CDH18: variants seen among roughly 807,000 people sequenced by gnomAD.
CDH18 encodes the protein cadherin-18.
Under a neutral mutation model 67.9 loss-of-function variants are expected in CDH18, and 31 were observed. The observed-to-expected ratio is 0.46, with a 90% CI of 0.34 to 0.62. CDH18 has a LOEUF of 0.62. Among genes scored for constraint, CDH18 ranks in the 20% least tolerant of loss-of-function variants. CDH18 has a pLI of 0.01. For missense variants in CDH18, 890 were observed against 975.5 expected (o/e 0.91, Z 1.17); for synonymous variants, 362 against 347.2 (o/e 1.04, Z -0.48).
chr5:20,459,707 T>C (rs1308029060), intron 1 of CDH18, among the ~76,000 whole-genome samples: 1 of 152,236 alleles, frequency 6.6e-6, no homozygotes, highest in Non-Finnish European at 1.5e-5. Context: ...GTTTGGTGAC[T>C]GAGCTAGTCC....
chr5:20,083,144 A>G (rs1054092883), intron 2 of CDH18, among the ~76,000 whole-genome samples: 6 of 152,196 alleles, frequency 3.9e-5, no homozygotes, highest in Non-Finnish European at 8.8e-5. Flanking sequence ...GTACTGAAAG[A>G]ATTGAGGATG....
intron 1 of CDH18, among the ~76,000 whole-genome samples, chr5:20,475,036 GTTTA>G (rs1452732337): frequency 8.1e-5 from 12 of 149,032 alleles, no homozygotes; most frequent in African/African-American, 2.7e-4. Context: ...TTATATGTGT[GTTTA>G]TTTATTTCCA....
intron 8 of CDH18, among the ~76,000 whole-genome samples, chr5:19,557,358 A>T (rs1738624428): frequency 6.6e-6 from 1 of 152,074 alleles, no homozygotes; most frequent in Non-Finnish European, 1.5e-5. Context: ...GAGTGCATAA[A>T]AACTCACCAA....
chr5:20,063,048 A>G (rs1742647319), intron 2 of CDH18, among the ~76,000 whole-genome samples: 1 of 148,764 alleles, frequency 6.7e-6, no homozygotes. Context: ...GGGTACACCA[A>G]TATGCTTCTT....
chr5:20,036,718 A>C (rs1739897337), intron 2 of CDH18, among the ~76,000 whole-genome samples: 1 of 152,074 alleles, frequency 6.6e-6, no homozygotes, highest in Non-Finnish European at 1.5e-5. Flanking sequence ...TGGAGTGTTA[A>C]AGTCTCCCAC....
At chr5:19,904,295 A>C (rs926431826) in intron 2 of CDH18, among the ~76,000 whole-genome samples, 2 of 149,642 alleles carry the variant, frequency 1.3e-5, no homozygotes, top group Non-Finnish European at 3.0e-5. Flanking sequence ...GAAGGAAAGA[A>C]AAAAAGAAAA....
intron 5 of CDH18, among the ~76,000 whole-genome samples, chr5:19,655,189 C>G (rs1384477485): frequency 1.3e-5 from 2 of 152,202 alleles, no homozygotes; most frequent in African/African-American, 2.4e-5. Flanking sequence ...TATATTGATA[C>G]ATGTATATGT....
At chr5:19,818,020 T>C (rs1422269250) in intron 3 of CDH18, among the ~76,000 whole-genome samples, 3 of 152,104 alleles carry the variant, frequency 2.0e-5, no homozygotes, top group Non-Finnish European at 2.9e-5. Context: ...TCCATTTTTT[T>C]CCCAAAATTT....
chr5:20,005,399 A>G (rs1736805400), intron 2 of CDH18, among the ~76,000 whole-genome samples: 2 of 121,170 alleles, frequency 1.7e-5, no homozygotes, highest in African/African-American at 6.2e-5. Context: ...ATATAAACAA[A>G]GTATATATAT....
intron 5 of CDH18, among the ~76,000 whole-genome samples, chr5:19,678,572 C>A (rs887000523): frequency 5.9e-5 from 9 of 151,462 alleles, no homozygotes; most frequent in Admixed American, 1.3e-4. Flanking sequence ...CTTAGAGAAA[C>A]CAGAGAAAAA....
intron 2 of CDH18, among the ~76,000 whole-genome samples, chr5:20,232,749 C>A (rs1002537196): frequency 2.0e-5 from 3 of 151,980 alleles, no homozygotes; most frequent in Non-Finnish European, 4.4e-5. Context: ...ATTTTGAAAC[C>A]TTTTTTATAA....
At chr5:20,414,421 A>G (rs563612453) in intron 1 of CDH18, among the ~76,000 whole-genome samples, 65 of 152,304 alleles carry the variant, frequency 4.3e-4, no homozygotes, top group Non-Finnish European at 7.6e-4. Flanking sequence ...AACAATGGCT[A>G]TACAGGAACA....
upstream of CDH18, chr5:19,988,207 C>G (rs1004664322): frequency 6.6e-6 from 1 of 152,100 alleles, no homozygotes; most frequent in African/African-American, 2.4e-5. Context: ...ACTCAGGCTC[C>G]GCGCACCTCG....
At chr5:20,033,008 T>A (rs1561732599) in intron 2 of CDH18, among the ~76,000 whole-genome samples, 1 of 151,900 alleles carries the variant, frequency 6.6e-6, no homozygotes. Flanking sequence ...TGAGATATTG[T>A]GGGGGAAAAG....
chr5:20,404,781 G>T (rs1036569315), intron 1 of CDH18, among the ~76,000 whole-genome samples: 2 of 152,062 alleles, frequency 1.3e-5, no homozygotes, highest in Non-Finnish European at 2.9e-5. Context: ...AAAAAATGAC[G>T]TGAGTTGACT....
chr5:19,662,257 G>T, intron 5 of CDH18, among the ~76,000 whole-genome samples: 1 of 151,526 alleles, frequency 6.6e-6, no homozygotes, highest in East Asian at 1.9e-4. Context: ...TGCTGATGTT[G>T]CATCTTTAGA....
intron 5 of CDH18, among the ~76,000 whole-genome samples, chr5:19,717,317 G>A (rs1280516176): frequency 1.3e-5 from 2 of 151,992 alleles, no homozygotes; most frequent in African/African-American, 4.8e-5. Context: ...ACAGCAATCA[G>A]AGAATCATCA....
At chr5:19,566,297 A>G (rs1274282822) in intron 8 of CDH18, among the ~76,000 whole-genome samples, 2 of 152,208 alleles carry the variant, frequency 1.3e-5, no homozygotes, top group African/African-American at 4.8e-5. Flanking sequence ...TAGTACAACC[A>G]CTATGGAGAA....
At position 19,658,546 on chromosome 5, in the gene CDH18, ATTG is replaced by A. The variant is rs1756723007; in HGVS notation, c.644-45948_644-45946del. 3.3e-5 allele frequency among the ~76,000 whole-genome samples: 5 copies of A among 152,138 alleles called. No individual in the cohort carries two copies. The South Asian group carries it at 8.3e-4, about 25-fold the overall frequency. ...TGAGACATCTGAGGCACCCATGGTA[ATTG>A]TTGTTAATACTTTTAATTTTATAAC... On this transcript the variant is annotated intron_variant, in intron 5 of 12. Transcript: ENST00000382275.
Sources: gnomAD v4.1 joint callset for allele counts (sites outside exome capture counted in the v4.1 genomes callset) on GRCh38, gnomAD v4.1.1 for gene constraint, MANE v1.5 for transcripts, NCBI Gene and HGNC (gene_info 2026-07-23, HGNC 2026-07-21) for gene names.